CPXM2: variants seen among roughly 807,000 people sequenced by gnomAD.
CPXM2 encodes the protein carboxypeptidase X, M14 family member 2.
A neutral mutation model predicts 86.1 loss-of-function variants in CPXM2; 66 were observed. The observed-to-expected ratio is 0.77, with a 90% CI of 0.63 to 0.94. CPXM2 has a LOEUF of 0.94. Ranked by LOEUF, CPXM2 falls within the 40% of genes least tolerant of loss-of-function variation. The pLI is 0.00. For missense variants in CPXM2, 948 were observed against 1,026.3 expected (o/e 0.92, Z 1.04); for synonymous variants, 388 against 400.2 (o/e 0.97, Z 0.36).
chr10:123,862,864 T>G lies in CPXM2; in HGVS notation c.404-141A>C, dbSNP rs1396158384. 8.2e-5 allele frequency: 57 copies of G among 696,012 alleles called. 1 individual carries two copies. The highest frequency in any genetic ancestry group is 1.8e-5 in the Non-Finnish European group (7 of 395,384). 43.1% of individuals were successfully genotyped at this position (696,012 alleles called of 1,614,324 possible). ...CATGCCTGGTCTTTCCAGACACGGT[T>G]GATTGAACTGTCAACATTAAGCCAA... On this transcript the variant is annotated intron_variant, in intron 2 of 13. Transcript: ENST00000241305.
chr10:123,906,036 G>A (rs549627700), intron 2 of CPXM2, among the ~76,000 whole-genome samples: 2 of 152,308 alleles, frequency 1.3e-5, no homozygotes, highest in East Asian at 3.9e-4. Flanking sequence ...AGTGGGGGCA[G>A]GTCATCCACA....
In CPXM2 at chr10:123,842,382, C is replaced by G. The variant is rs111800333; in HGVS notation, c.620G>C (p.Gly207Ala). The stretch of plus-strand genomic sequence containing the variant: ...GGAGTTCCTCCCTTGAGTGATGACA[C>G]CAGTGAATCTGGTCAGGCGCCGAGC... ...VDARRLTRFT[G>A]VITQGRNSLW... is the part of the protein sequence containing the mutation. The change falls in exon 4 of 14, where the codon GGT becomes GCT. Residue 207 changes from glycine (G) to alanine (A), a missense_variant. By Grantham distance (60) the Gly-to-Ala change is moderately conservative (BLOSUM62 0). Coordinates refer to ENST00000241305, the MANE Select transcript of CPXM2 (RefSeq NM_198148.3). 8.1e-6 allele frequency: 13 copies of G among 1,614,268 alleles called. No individual in the cohort carries two copies. Among genetic ancestry groups the G allele is most frequent in the Non-Finnish European group, 1.1e-5 (13 of 1,180,036 alleles).
upstream of CPXM2, among the ~76,000 whole-genome samples, chr10:123,894,550 A>C (rs1590109296): frequency 6.6e-6 from 1 of 152,180 alleles, no homozygotes; most frequent in Admixed American, 6.5e-5. Flanking sequence ...CGTCCTGGAA[A>C]GGTGCAAGGC....
chr10:123,805,003 G>A (rs758635896), intron 4 of CPXM2, among the ~76,000 whole-genome samples: 15 of 151,950 alleles, frequency 9.9e-5, no homozygotes, highest in South Asian at 2.1e-4. Context: ...GTGGCAAGAG[G>A]ACTTATTACA....
intron 2 of CPXM2, among the ~76,000 whole-genome samples, chr10:123,933,259 C>A (rs886516097): frequency 6.6e-6 from 1 of 152,210 alleles, no homozygotes; most frequent in Non-Finnish European, 1.5e-5. Context: ...CACCAAACTT[C>A]CCAGCCCTGT....
Position 123,767,094 on chromosome 10 carries a change from T to A in CPXM2, c.1358A>T (p.Asn453Ile), listed in dbSNP as rs1209526349. ...CGTGTTTAAATCAGGAAAGTTGTTG[T>A]TGATGTCAATTCCATCGTGGGTCCA... The part of the protein sequence containing the change: ...GRWTHDGIDI[N>I]NNFPDLNTLL... Residue 453 changes from asparagine (N) to isoleucine (I), a missense_variant, in exon 10 of 14, where the codon AAC becomes ATC. Transcript: ENST00000241305. 2 of 1,614,204 alleles carry A rather than the reference T, an allele frequency of 1.2e-6. No individual in the cohort carries two copies. The highest frequency in any genetic ancestry group is 1.3e-5 in the African/African-American group (1 of 75,064).
chr10:123,747,188 T>C (rs1845987469), intron 13 of CPXM2, among the ~76,000 whole-genome samples, 171 bp from the exon 14 acceptor site: 1 of 152,188 alleles, frequency 6.6e-6, no homozygotes, highest in Non-Finnish European at 1.5e-5. Flanking sequence ...GCCCAGATGT[T>C]TTCCTCTCTG....
intron 2 of CPXM2, among the ~76,000 whole-genome samples, chr10:123,902,587 G>T (rs1945394184): frequency 6.6e-6 from 1 of 152,154 alleles, no homozygotes; most frequent in African/African-American, 2.4e-5. Flanking sequence ...TCTGGTGAGG[G>T]CCCATTTCAC....
At chr10:123,878,506 C>CATGTGT (rs1491490511) in intron 2 of CPXM2, among the ~76,000 whole-genome samples, 1 of 134,800 alleles carries the variant, frequency 7.4e-6, no homozygotes, top group African/African-American at 2.8e-5. Flanking sequence ...CAAATTCAGA[C>CATGTGT]GTGTGTGTGT....
At chr10:123,820,631 G>A (rs1847905989) in intron 4 of CPXM2, among the ~76,000 whole-genome samples, 2 of 152,098 alleles carry the variant, frequency 1.3e-5, no homozygotes, top group African/African-American at 4.8e-5. Context: ...GCTCTCCCTG[G>A]GCTATAGTCA....
chr10:123,860,773 C>A lies in CPXM2; in HGVS notation c.513+1841G>T, dbSNP rs566734514. On this transcript the variant is annotated intron_variant, in intron 3 of 13. Coordinates refer to ENST00000241305, the MANE Select transcript of CPXM2 (RefSeq NM_198148.3). The stretch of plus-strand genomic sequence containing the variant: ...ATAGCTCCAGCTCAAGCTTTGCGGG[C>A]TCATGTGTTCATCCCTCATAAAACA... Among the ~76,000 whole-genome samples the A allele has an allele frequency of 1.7e-4, 20 of 121,108 alleles. No homozygotes were observed. The Middle Eastern group carries it at 0.012, about 73-fold the overall frequency. 79.5% of individuals were successfully genotyped at this position (121,108 alleles called of 152,430 possible). A position where few individuals can be genotyped will look rare whatever the true frequency, so the allele number is the denominator to read the frequency against.
intron 4 of CPXM2, among the ~76,000 whole-genome samples, chr10:123,805,668 TC>T (rs1847563343): frequency 6.6e-6 from 1 of 152,184 alleles, no homozygotes; most frequent in Non-Finnish European, 1.5e-5. Context: ...CAATATCGGC[TC>T]TGTAATTGTT....
At chr10:123,779,608 T>C (rs1465878043) in intron 7 of CPXM2, among the ~76,000 whole-genome samples, 1 of 152,144 alleles carries the variant, frequency 6.6e-6, no homozygotes, top group East Asian at 1.9e-4. Context: ...ATCAGTAGCT[T>C]CACAAATTTT....
intron 13 of CPXM2, among the ~76,000 whole-genome samples, chr10:123,747,879 G>A (rs1384627105): frequency 3.7e-5 from 5 of 136,202 alleles, no homozygotes; most frequent in South Asian, 2.4e-4. Context: ...CTGGGATCAC[G>A]CCACTGCACT....
At chr10:123,941,814 CT>C (rs1374665970), upstream of CPXM2, among the ~76,000 whole-genome samples, 1 of 152,206 alleles carries the variant, frequency 6.6e-6, no homozygotes, top group Non-Finnish European at 1.5e-5. Context: ...TCTCGTTCAC[CT>C]TGAGCAGGCC....
chr10:123,863,932 C>A (rs1446915729), intron 2 of CPXM2, among the ~76,000 whole-genome samples: 6 of 152,172 alleles, frequency 3.9e-5, no homozygotes, highest in Non-Finnish European at 2.9e-5. Context: ...CTGGTATCCA[C>A]CAGAGGGCCT....
chr10:123,836,547 C>T (rs1848285323), intron 4 of CPXM2, among the ~76,000 whole-genome samples: 1 of 152,148 alleles, frequency 6.6e-6, no homozygotes, highest in African/African-American at 2.4e-5. Context: ...AGAACAGTGA[C>T]AATTCCACAT....
At chr10:123,857,635 TGG>T (rs1848760607) in intron 3 of CPXM2, among the ~76,000 whole-genome samples, 10 of 90,538 alleles carry the variant, frequency 1.1e-4, no homozygotes, top group Admixed American at 4.0e-4. Context: ...GGCGTGGAGA[TGG>T]AAGGCGGCGT....
intron 6 of CPXM2, among the ~76,000 whole-genome samples, chr10:123,792,663 C>T (rs1356098686): frequency 6.6e-6 from 1 of 152,224 alleles, no homozygotes; most frequent in African/African-American, 2.4e-5. Flanking sequence ...AGGCAGTGAG[C>T]AACAGGTTGG....
Sources: gnomAD v4.1 joint callset for allele counts (sites outside exome capture counted in the v4.1 genomes callset) on GRCh38, gnomAD v4.1.1 for gene constraint, MANE v1.5 for transcripts, NCBI Gene and HGNC (gene_info 2026-07-23, HGNC 2026-07-21) for gene names.